TNNI3K: variants seen among roughly 807,000 people sequenced by gnomAD.
TNNI3K encodes the protein TNNI3 interacting kinase, also known as serine/threonine-protein kinase TNNI3K.
In TNNI3K, 140 loss-of-function variants were observed where a neutral mutation model predicts 114.5. The observed-to-expected ratio is 1.22, with a 90% confidence interval of 1.07 to 1.41. The LOEUF (loss-of-function observed/expected upper bound fraction) is 1.41, where lower values mean the gene tolerates loss of function less well. TNNI3K is among the 40% of genes most tolerant of loss of function. The pLI, the probability that TNNI3K is intolerant of heterozygous loss-of-function variation, is 0.00. For missense variants in TNNI3K, 1,125 were observed against 1,007.6 expected (o/e 1.12, Z -1.58); for synonymous variants, 347 against 347.5 (o/e 1.00, Z 0.02).
At chr1:74,289,283 A>G (rs555434999) in intron 5 of TNNI3K, among the ~76,000 whole-genome samples, 5 of 150,752 alleles carry the variant, frequency 3.3e-5, no homozygotes, top group South Asian at 2.1e-4. Context: ...TTAAAAAATG[A>G]TGATCACATT....
In TNNI3K at chr1:74,323,988, A is replaced by C. The variant is rs551326011; in HGVS notation, c.445-7462A>C. Among the ~76,000 whole-genome samples the C allele has an allele frequency of 3.3e-5, 5 of 152,354 alleles. No individual in the cohort carries two copies. The East Asian group carries it at 7.7e-4, about 24-fold the overall frequency. ...TGTCAAGCAATCTAAGGGAGAATAA[A>C]ATCTTAAGGAAGAAGTAGACAATAG... is the stretch of plus-strand genomic sequence containing the variant. On this transcript the variant is annotated intron_variant, in intron 5 of 24. Coordinates refer to ENST00000326637, the MANE Select transcript of TNNI3K (RefSeq NM_015978.3).
intron 17 of TNNI3K, among the ~76,000 whole-genome samples, chr1:74,393,482 C>G (rs1373424452): frequency 1.3e-5 from 2 of 152,144 alleles, no homozygotes; most frequent in Non-Finnish European, 2.9e-5. Flanking sequence ...ATCACTGTTT[C>G]TTTAACAGAC....
intron 23 of TNNI3K, among the ~76,000 whole-genome samples, chr1:74,515,089 T>C (rs1037488312): frequency 1.3e-5 from 2 of 152,194 alleles, no homozygotes; most frequent in Non-Finnish European, 2.9e-5. Flanking sequence ...CTCAGAATAT[T>C]CCTTCAGAAA....
chr1:74,363,282 G>A (rs1432924128), intron 11 of TNNI3K, among the ~76,000 whole-genome samples: 1 of 151,938 alleles, frequency 6.6e-6, no homozygotes, highest in Non-Finnish European at 1.5e-5. Context: ...TTGTAGTCAT[G>A]GAAAATTTCC....
intron 17 of TNNI3K, among the ~76,000 whole-genome samples, chr1:74,416,957 TGTCTCCAGCTTTTAC>T (rs1384287531): frequency 1.3e-5 from 2 of 152,040 alleles, no homozygotes; most frequent in Admixed American, 1.3e-4. Context: ...TTGACTAGGG[TGTCTCCAGCTTTTAC>T]TCTCACCTGA....
chr1:74,410,468 T>A (rs571354801), intron 17 of TNNI3K, among the ~76,000 whole-genome samples: 2 of 152,320 alleles, frequency 1.3e-5, no homozygotes, highest in African/African-American at 4.8e-5. Context: ...CACAAATGTG[T>A]GTCTCTTGAG....
chr1:74,402,638 A>G (rs1160193298), intron 17 of TNNI3K, among the ~76,000 whole-genome samples: 1 of 152,186 alleles, frequency 6.6e-6, no homozygotes, highest in Non-Finnish European at 1.5e-5. Flanking sequence ...AGAGTCTTCA[A>G]TTTTAACATT....
At chr1:74,308,615 C>A (rs1341493721) in intron 5 of TNNI3K, among the ~76,000 whole-genome samples, 1 of 152,002 alleles carries the variant, frequency 6.6e-6, no homozygotes, top group African/African-American at 2.4e-5. Flanking sequence ...AAAACAAGAA[C>A]TTAACCTAAA....
At chr1:74,326,732 A>C (rs1220263913) in intron 5 of TNNI3K, among the ~76,000 whole-genome samples, 1 of 152,188 alleles carries the variant, frequency 6.6e-6, no homozygotes, top group African/African-American at 2.4e-5. Flanking sequence ...AAAGCTTTTC[A>C]TGGAGAACAT....
At chr1:74,271,752 C>G in intron 5 of TNNI3K, 44 bp downstream of exon 5, 1 of 1,510,824 alleles carries the variant, frequency 6.6e-7, no homozygotes, top group Non-Finnish European at 9.1e-7. Context: ...GGTTATTTAC[C>G]TTTTCGGTTG....
chr1:74,298,722 A>G (rs1285683036), intron 5 of TNNI3K, among the ~76,000 whole-genome samples: 3 of 152,100 alleles, frequency 2.0e-5, no homozygotes, highest in African/African-American at 7.2e-5. Flanking sequence ...TCCCTGCCTT[A>G]TGCGGGAGTT....
chr1:74,522,384 C>T (rs1276679254), intron 23 of TNNI3K, among the ~76,000 whole-genome samples: 1 of 152,108 alleles, frequency 6.6e-6, no homozygotes, highest in Admixed American at 6.6e-5. Flanking sequence ...GCTCAGATTA[C>T]CCGTTCCCTA....
intron 21 of TNNI3K, chr1:74,471,817 T>C (rs1667946386): frequency 9.3e-6 from 4 of 431,968 alleles, no homozygotes; most frequent in Non-Finnish European, 8.2e-6. Context: ...TTGGATTTGC[T>C]CTTTCTCAGG....
intron 17 of TNNI3K, among the ~76,000 whole-genome samples, chr1:74,434,774 A>G (rs1666050070): frequency 6.6e-6 from 1 of 152,042 alleles, no homozygotes; most frequent in Non-Finnish European, 1.5e-5. Context: ...AAGAAAAATG[A>G]TTTTAACATA....
rs532867460 is a variant in TNNI3K, at chr1:74,422,821, G to T, written c.1773-13259G>T. Reference sequence around the variant, plus strand: ...TGTTCTTCAGCAGGGATAAAGCACAGAATACAAAGTATCCACAATGTGCTG... The same window carrying T: ...TGTTCTTCAGCAGGGATAAAGCACATAATACAAAGTATCCACAATGTGCTG... On this transcript the variant is annotated intron_variant, in intron 17 of 24. Transcript: ENST00000326637. Among the ~76,000 whole-genome samples, 192 of 152,170 alleles carry T rather than the reference G, an allele frequency of 1.3e-3. 1 individual carries two copies. Among genetic ancestry groups the T allele is most frequent in the African/African-American group, 4.2e-3 (176 of 41,546 alleles).
chr1:74,341,515 G>A (rs140832404), intron 7 of TNNI3K: 2 of 150,122 alleles, frequency 1.3e-5, no homozygotes, highest in East Asian at 2.0e-4. Context: ...CTTGATTCTT[G>A]TTGAGGAAAG....
intron 17 of TNNI3K, chr1:74,378,623 T>A (rs1197845646): frequency 6.2e-5 from 5 of 80,944 alleles, no homozygotes; most frequent in Admixed American, 2.4e-4. Flanking sequence ...TATATATATA[T>A]ATATATATAT....
At chr1:74,501,465 T>C (rs888357456) in intron 23 of TNNI3K, among the ~76,000 whole-genome samples, 2 of 147,358 alleles carry the variant, frequency 1.4e-5, no homozygotes, top group South Asian at 2.2e-4. Flanking sequence ...GGAGGGTTTT[T>C]TTTGTTTTGT....
At chr1:74,445,796 G>C (rs1054956882) in intron 20 of TNNI3K, among the ~76,000 whole-genome samples, 8 of 151,738 alleles carry the variant, frequency 5.3e-5, no homozygotes, top group African/African-American at 1.2e-4. Context: ...ATTTTTAGTA[G>C]AGACGGGGTT....
Sources: allele counts gnomAD v4.1 joint callset (sites outside exome capture counted in the v4.1 genomes callset), GRCh38; gene constraint gnomAD v4.1.1; transcripts MANE v1.5; gene names NCBI Gene and HGNC (gene_info 2026-07-23, HGNC 2026-07-21).